Variants in CHD1L observed in about 807,000 individuals in gnomAD.
CHD1L encodes chromodomain helicase DNA binding protein 1 like.
Under a neutral mutation model 115.9 loss-of-function variants are expected in CHD1L, and 118 were observed. The observed-to-expected ratio is 1.02, with a 90% CI of 0.88 to 1.19. The LOEUF is 1.19. CHD1L is among the 50% of genes most tolerant of loss of function. CHD1L has a pLI of 0.00. For missense variants in CHD1L, 1,179 were observed against 1,065.3 expected (o/e 1.11, Z -1.49); for synonymous variants, 411 against 387.1 (o/e 1.06, Z -0.72).
the CHD1L span, among the ~76,000 whole-genome samples, chr1:147,180,931 G>A: frequency 2.0e-5 from 3 of 152,174 alleles, no homozygotes; most frequent in African/African-American, 7.2e-5. Context: ...TCAAGTACAA[G>A]GCTGATGTTT....
intron 1 of CHD1L, among the ~76,000 whole-genome samples, chr1:147,251,589 C>T (rs587724413): frequency 6.6e-6 from 1 of 152,080 alleles, no homozygotes; most frequent in East Asian, 1.9e-4. Context: ...AGTGCAGTGG[C>T]GCGATCTCGG....
Position 147,265,800 on chromosome 1 carries a change from T to A in CHD1L, c.740-132T>A, listed in dbSNP as rs587762757. The A allele has an allele frequency of 1.4e-4, 98 of 680,476 alleles. 1 individual carries two copies. In the Middle Eastern group the frequency reaches 3.1e-3, roughly 22 times the overall value. The allele number at this position is 680,476 out of a possible 1,614,324, so 42.2% of individuals were successfully genotyped here. On this transcript the variant is annotated intron_variant, in intron 7 of 22. Coordinates refer to ENST00000369258, the MANE Select transcript of CHD1L (RefSeq NM_004284.6). ...TGAAGGAAGAAATACTATAAAAAAA[T>A]GATCATACTGGCCTAGAATGCAAAA...
intron 6 of CHD1L, among the ~76,000 whole-genome samples, chr1:147,262,279 G>C (rs782345288): frequency 6.6e-6 from 1 of 151,886 alleles, no homozygotes. Flanking sequence ...CATTCATGCA[G>C]TGCATTTGCA....
At chr1:147,206,079 A>G in the CHD1L span, among the ~76,000 whole-genome samples, 1 of 150,682 alleles carries the variant, frequency 6.6e-6, no homozygotes, top group African/African-American at 2.5e-5. Flanking sequence ...AGAAAAAAAC[A>G]AACAACCCCA....
At chr1:147,268,725 AC>A in intron 9 of CHD1L, 56 bp from the exon 10 acceptor site, 1 of 1,382,770 alleles carries the variant, frequency 7.2e-7, no homozygotes, top group Admixed American at 1.8e-5. Flanking sequence ...TAGCCTAGCT[AC>A]TGGCTTCTGC....
Position 147,286,344 on chromosome 1 carries a change from T to C in CHD1L, c.2065T>C (p.Ser689Pro). ...SNNYQSFCLPSEESEPEDLEN... is the reference protein window; with the variant it reads ...SNNYQSFCLPPEESEPEDLEN... ...CAATTACCAGTCCTTCTGCCTGCCC[T>C]CTGAGGAGAGCGAGCCAGAGGACCT... Residue 689 changes from serine to proline, a missense_variant, in exon 18 of 23, where the codon TCT (serine) becomes CCT (proline). Ser to Pro is a moderately conservative substitution (Grantham distance 74). Coordinates refer to ENST00000369258, the MANE Select transcript of CHD1L (RefSeq NM_004284.6). The C allele has an allele frequency of 1.2e-6, 2 of 1,614,140 alleles. No individual in the cohort carries two copies. Among genetic ancestry groups the C allele is most frequent in the Non-Finnish European group, 1.7e-6 (2 of 1,180,030 alleles).
chr1:147,179,707 T>A, the CHD1L span: 1 of 766,230 alleles, frequency 1.3e-6, no homozygotes, highest in East Asian at 2.6e-5. Context: ...AGGACCCATA[T>A]GGGAATTATT....
the CHD1L span, among the ~76,000 whole-genome samples, chr1:147,236,027 G>T: frequency 3.9e-5 from 6 of 152,196 alleles, no homozygotes; most frequent in Non-Finnish European, 7.3e-5. Context: ...GCAGAGAGGG[G>T]TGTGTGAGCA....
At chr1:147,279,884 C>A (rs1680127556) in intron 14 of CHD1L, 142 bp from the exon 15 acceptor site, 1 of 743,258 alleles carries the variant, frequency 1.3e-6, no homozygotes. Flanking sequence ...CTGTTACTAT[C>A]TATGATGGGG....
At chr1:147,202,876 C>G in the CHD1L span, among the ~76,000 whole-genome samples, 1 of 152,118 alleles carries the variant, frequency 6.6e-6, no homozygotes, top group Non-Finnish European at 1.5e-5. Flanking sequence ...TATATCTGGT[C>G]ACCAAGCCTT....
rs782245572 is a variant in CHD1L at position 147,242,703 on chromosome 1, G to A, written c.-1G>A. 1.6e-6 allele frequency: 2 copies of A among 1,260,524 alleles called. No homozygotes were observed. Among genetic ancestry groups the A allele is most frequent in the Non-Finnish European group, 2.0e-6 (2 of 999,698 alleles). The allele number at this position is 1,260,524 out of a possible 1,614,324, so 78.1% of individuals were successfully genotyped here. A position where few individuals can be genotyped will look rare whatever the true frequency, so the allele number is the denominator to read the frequency against. ...CGCGGGGCGGGGCCTCTACCGGCCC[G>A]ATGGAGCGCGCGGGCGCTACTAGCC... On this transcript the variant is annotated 5_prime_UTR_variant, in exon 1 of 23. Transcript: ENST00000369258.
intron 1 of CHD1L, among the ~76,000 whole-genome samples, chr1:147,244,875 C>G (rs1180772909): frequency 6.6e-6 from 1 of 152,050 alleles, no homozygotes; most frequent in Non-Finnish European, 1.5e-5. Context: ...CGTTTAATTC[C>G]TGAAAGGTAC....
chr1:147,277,980 A>G (rs1179945070), intron 14 of CHD1L, among the ~76,000 whole-genome samples: 3 of 152,196 alleles, frequency 2.0e-5, no homozygotes, highest in Middle Eastern at 3.4e-3. Context: ...AGATGTAGAC[A>G]TACCTCCACC....
chr1:147,215,508 G>T, the CHD1L span: 2 of 451,964 alleles, frequency 4.4e-6, no homozygotes, highest in Non-Finnish European at 7.8e-6. Context: ...AATGTGAAAT[G>T]AAGGTAATGA....
At chr1:147,255,106 G>T in intron 3 of CHD1L, 130 bp downstream of exon 3, 4 of 603,758 alleles carry the variant, frequency 6.6e-6, no homozygotes, top group Non-Finnish European at 5.6e-6. Flanking sequence ...ACTTTGAGCT[G>T]ATAGAGTGTA....
intron 1 of CHD1L, among the ~76,000 whole-genome samples, chr1:147,244,413 A>G (rs144166586): frequency 2.0e-5 from 3 of 152,290 alleles, no homozygotes; most frequent in African/African-American, 4.8e-5. Context: ...TGTAATTTCT[A>G]TTTCTGTTTA....
intron 15 of CHD1L, among the ~76,000 whole-genome samples, chr1:147,282,909 T>C (rs1325828942): frequency 1.3e-5 from 2 of 152,228 alleles, no homozygotes; most frequent in Admixed American, 6.5e-5. Context: ...TGAATGGATA[T>C]AGGTCCGCTC....
the CHD1L span, among the ~76,000 whole-genome samples, chr1:147,233,193 G>A: frequency 4.6e-4 from 70 of 151,058 alleles, no homozygotes; most frequent in East Asian, 5.5e-3. Flanking sequence ...CAGCCGCCCC[G>A]TCTGAGAAGT....
At chr1:147,174,910 C>A in the CHD1L span, 1 of 152,178 alleles carries the variant, frequency 6.6e-6, no homozygotes, top group Admixed American at 6.5e-5. Context: ...CTCCTCAGAT[C>A]AATCATTCTG....
Sources: gnomAD v4.1 joint callset for allele counts (sites outside exome capture counted in the v4.1 genomes callset) on GRCh38, gnomAD v4.1.1 for gene constraint, MANE v1.5 for transcripts, NCBI Gene and HGNC (gene_info 2026-07-23, HGNC 2026-07-21) for gene names.